Variants in AFM observed in about 807,000 individuals in gnomAD.
AFM encodes afamin.
Under a neutral mutation model 68.7 loss-of-function variants are expected in AFM, and 82 were observed. That is an observed-to-expected ratio of 1.19 (90% confidence interval 1.00 to 1.43). The LOEUF is 1.43. Ranked by LOEUF, AFM falls within the 40% of genes most tolerant of loss-of-function variation. The pLI is 0.00. For synonymous variants in AFM, 250 were observed against 234.2 expected, an observed-to-expected ratio of 1.07 and a Z score of -0.61; for missense variants, 772 against 701.8, an observed-to-expected ratio of 1.10 and a Z score of -1.13.
chr4:73,485,855 T>C lies in AFM; in HGVS notation c.271-7T>C, dbSNP rs1047403329. 17 of 1,611,422 alleles carry C rather than the reference T, an allele frequency of 1.1e-5. No homozygotes were observed. Among genetic ancestry groups the C allele is most frequent in the Non-Finnish European group, 1.4e-5 (17 of 1,177,862 alleles). ...TAAAAATTGTCCTTTTCTTCTCTGT[T>C]GTATAGAATAATGTTTTACAGGAAA... On this transcript the variant is annotated splice_polypyrimidine_tract_variant and splice_region_variant and intron_variant, in intron 3 of 14. Transcript: ENST00000226355.
chr4:73,485,291 G>T (rs1267681448), intron 3 of AFM, among the ~76,000 whole-genome samples: 1 of 152,168 alleles, frequency 6.6e-6, no homozygotes, highest in Non-Finnish European at 1.5e-5. Context: ...GAGTAGAAAA[G>T]CCTGGTGGAA....
intron 8 of AFM, chr4:73,495,002 T>G (rs536830044): frequency 1.1e-4 from 22 of 193,182 alleles, no homozygotes; most frequent in Non-Finnish European, 2.3e-4. Context: ...TATTCACAAT[T>G]TATTATTTCC....
chr4:73,487,767 A>G lies in AFM; in HGVS notation c.659A>G (p.Gln220Arg). The G allele has an allele frequency of 6.2e-7, 1 of 1,613,310 alleles. No individual in the cohort carries two copies. The highest frequency in any genetic ancestry group is 1.1e-5 in the South Asian group (1 of 91,016). Reference sequence around the variant, plus strand: ...TATTTAAAAGCATTTTCTTCTTATCAAAAACATGTCTGTGGGGCACTTTTG... The same window carrying G: ...TATTTAAAAGCATTTTCTTCTTATCGAAAACATGTCTGTGGGGCACTTTTG... ...TQYLKAFSSY[Q>R]KHVCGALLKF... Residue 220 changes from glutamine to arginine, a missense_variant, in exon 6 of 15, where the codon CAA (glutamine) becomes CGA (arginine). Transcript: ENST00000226355.
chr4:73,484,428 A>C, intron 3 of AFM, 38 bp downstream of exon 3: 1 of 1,380,406 alleles, frequency 7.2e-7, no homozygotes. Context: ...CTTTTATCTT[A>C]TGTCTTTCTT....
intron 13 of AFM, 59 bp downstream of exon 13, chr4:73,501,978 A>G: frequency 2.5e-6 from 4 of 1,583,692 alleles, no homozygotes; most frequent in Non-Finnish European, 3.4e-6. Flanking sequence ...ATAAAATAAA[A>G]CAGAACCCTG....
chr4:73,482,571 G>A (rs1720744435), intron 1 of AFM, among the ~76,000 whole-genome samples: 1 of 152,196 alleles, frequency 6.6e-6, no homozygotes, highest in Non-Finnish European at 1.5e-5. Context: ...GTGAAGACTG[G>A]TCATTTCTGA....
chr4:73,489,806 G>A (rs914489237), intron 7 of AFM, among the ~76,000 whole-genome samples: 6 of 152,174 alleles, frequency 3.9e-5, no homozygotes, highest in African/African-American at 1.4e-4. Context: ...GAACAACACA[G>A]GCCAGGGCCT....
At chr4:73,499,372 A>C in intron 11 of AFM, 126 bp downstream of exon 11, 1 of 1,046,866 alleles carries the variant, frequency 9.6e-7, no homozygotes, top group East Asian at 3.1e-5. Context: ...GTTAAGCAAA[A>C]ATTGTCAAGT....
chr4:73,484,253 T>C lies in AFM; in HGVS notation c.138-5T>C, dbSNP rs200540300. 1 of 1,606,650 alleles carries C rather than the reference T, an allele frequency of 6.2e-7. No individual in the cohort carries two copies. Among genetic ancestry groups the C allele is most frequent in the Non-Finnish European group, 8.5e-7 (1 of 1,177,870 alleles). On this transcript the variant is annotated splice_region_variant and splice_polypyrimidine_tract_variant and intron_variant, in intron 2 of 14. Transcript: ENST00000226355. ...TCTTTGTATACCCCATGTGAACTGT[T>C]GCAGCACCATCATTGCATTTGCTCA...
intron 3 of AFM, among the ~76,000 whole-genome samples, chr4:73,484,902 A>G (rs1720848282): frequency 6.6e-6 from 1 of 152,168 alleles, no homozygotes; most frequent in Admixed American, 6.5e-5. Flanking sequence ...CTGGCTTGAA[A>G]ATATGAAATG....
At chr4:73,502,625 C>A (rs550497894) in intron 13 of AFM, among the ~76,000 whole-genome samples, 1 of 152,306 alleles carries the variant, frequency 6.6e-6, no homozygotes, top group South Asian at 2.1e-4. Flanking sequence ...AACACTCACT[C>A]CACTCCAAAC....
chr4:73,496,281 G>A (rs1269529487), intron 9 of AFM, among the ~76,000 whole-genome samples: 2 of 152,114 alleles, frequency 1.3e-5, no homozygotes, highest in Admixed American at 1.3e-4. Context: ...CTTTTTAAAT[G>A]ATGGTATCCC....
intron 1 of AFM, among the ~76,000 whole-genome samples, chr4:73,483,192 T>C (rs916894760): frequency 6.6e-6 from 1 of 152,178 alleles, no homozygotes; most frequent in African/African-American, 2.4e-5. Context: ...AACTCATATC[T>C]CACTCCTCCT....
rs758276293 is a variant in AFM at position 73,499,132 on chromosome 4, G to A, written c.1308G>A (p.Thr436=). The change falls in exon 11 of 15, where the codon ACG becomes ACA. Residue 436 remains threonine, a synonymous_variant. Transcript: ENST00000226355. ...CTTTCAGTTACCTCATCAGGCTCACGAAGATAGCTCCCCAACTCTCCACTG... is the reference window on the plus strand; with the variant it reads ...CTTTCAGTTACCTCATCAGGCTCACAAAGATAGCTCCCCAACTCTCCACTG... The part of the protein sequence containing the change: ...GLKYHYLIRL[T]KIAPQLSTEE... 8.7e-6 allele frequency: 14 copies of A among 1,612,710 alleles called. No homozygotes were observed. Among genetic ancestry groups the A allele is most frequent in the South Asian group, 3.3e-5 (3 of 90,880 alleles).
At position 73,485,941 on chromosome 4, in the gene AFM, T is replaced by A. The variant is rs1225829118; in HGVS notation, c.350T>A (p.Val117Asp). The A allele has an allele frequency of 5.6e-6, 9 of 1,614,048 alleles. No homozygotes were observed. Among genetic ancestry groups the A allele is most frequent in the Non-Finnish European group, 6.8e-6 (8 of 1,179,970 alleles). The stretch of plus-strand genomic sequence containing the variant: ...AATTTCTCACACTGCTGCAGTAAGG[T>A]TGATGCTCAAAGAAGACTCTGTTTC... ...KHNFSHCCSK[V>D]DAQRRLCFFY... is the part of the protein sequence containing the mutation. Residue 117 changes from valine (V) to aspartate (D), a missense_variant, in exon 4 of 15, where the codon GTT becomes GAT. Transcript: ENST00000226355.
chr4:73,501,309 C>T, intron 12 of AFM, among the ~76,000 whole-genome samples: 1 of 151,938 alleles, frequency 6.6e-6, no homozygotes. Context: ...ATTTTGATAA[C>T]TGCATAAATG....
At chr4:73,492,513 C>T (rs566853529) in intron 8 of AFM, among the ~76,000 whole-genome samples, 1 of 152,238 alleles carries the variant, frequency 6.6e-6, no homozygotes, top group South Asian at 2.1e-4. Flanking sequence ...GCAGGCTTAA[C>T]TGCTATGCTA....
In AFM at chr4:73,485,941, T is replaced by C; in HGVS notation, c.350T>C (p.Val117Ala). ...AATTTCTCACACTGCTGCAGTAAGGTTGATGCTCAAAGAAGACTCTGTTTC... is the reference window on the plus strand; with the variant it reads ...AATTTCTCACACTGCTGCAGTAAGGCTGATGCTCAAAGAAGACTCTGTTTC... ...KHNFSHCCSKVDAQRRLCFFY... is the reference protein window; with the variant it reads ...KHNFSHCCSKADAQRRLCFFY... The change falls in exon 4 of 15, where the codon GTT (valine) becomes GCT (alanine). Residue 117 changes from valine to alanine, a missense_variant. Physicochemically the swap from Val to Ala is moderately conservative, Grantham distance 64. Transcript: ENST00000226355. 1 of 1,614,048 alleles carries C rather than the reference T, an allele frequency of 6.2e-7. No individual in the cohort carries two copies. The highest frequency in any genetic ancestry group is 2.2e-5 in the East Asian group (1 of 44,864).
At chr4:73,487,500 C>T (rs1024573516) in intron 5 of AFM, among the ~76,000 whole-genome samples, 5 of 152,174 alleles carry the variant, frequency 3.3e-5, no homozygotes, top group African/African-American at 9.7e-5. Flanking sequence ...CACTTATGCA[C>T]CTTTTTACCA....
Sources: allele counts gnomAD v4.1 joint callset (sites outside exome capture counted in the v4.1 genomes callset), GRCh38; gene constraint gnomAD v4.1.1; transcripts MANE v1.5; gene names NCBI Gene and HGNC (gene_info 2026-07-23, HGNC 2026-07-21).